Variants in CLDN10 observed in about 807,000 individuals in gnomAD.
CLDN10 encodes claudin 10, also known as claudin-10.
In CLDN10, 15 loss-of-function variants were observed where a neutral mutation model predicts 22.9. That is an observed-to-expected ratio of 0.65 (90% CI 0.44 to 1.01). The LOEUF (loss-of-function observed/expected upper bound fraction) is 1.01, where lower values mean the gene tolerates loss of function less well. CLDN10 is among the 50% of genes least tolerant of loss of function. The probability of loss-of-function intolerance (pLI) is 0.00; values close to 1 mark genes in which losing one functional copy is unlikely to be tolerated. For missense variants in CLDN10, 247 were observed against 287.8 expected (o/e 0.86, Z 1.03); for synonymous variants, 114 against 111.4 (o/e 1.02, Z -0.15).
chr13:95,509,379 T>G (rs1265413510), intron 1 of CLDN10, among the ~76,000 whole-genome samples: 1 of 152,180 alleles, frequency 6.6e-6, no homozygotes. Flanking sequence ...GATGGACCTA[T>G]GCACTTTAAC....
At chr13:95,555,331 C>G (rs1001306341) in intron 1 of CLDN10, among the ~76,000 whole-genome samples, 1 of 152,158 alleles carries the variant, frequency 6.6e-6, no homozygotes, top group Non-Finnish European at 1.5e-5. Flanking sequence ...TACAGGTGTG[C>G]GCCACCGCGC....
chr13:95,449,901 G>A (rs1016034658), intron 1 of CLDN10, among the ~76,000 whole-genome samples: 3 of 152,016 alleles, frequency 2.0e-5, no homozygotes, highest in African/African-American at 2.4e-5. Context: ...CCGCCACCAC[G>A]CCCGGCTGAT....
At chr13:95,504,939 C>T (rs534081424) in intron 1 of CLDN10, among the ~76,000 whole-genome samples, 51 of 152,258 alleles carry the variant, frequency 3.3e-4, no homozygotes, top group African/African-American at 9.9e-4. Flanking sequence ...TAGAAGGAGA[C>T]GTCAGATTAA....
intron 1 of CLDN10, among the ~76,000 whole-genome samples, chr13:95,468,178 G>T (rs1419009294): frequency 6.6e-6 from 1 of 152,102 alleles, no homozygotes; most frequent in Non-Finnish European, 1.5e-5. Flanking sequence ...TAAGTTTGTA[G>T]TTAGTAGTTA....
intron 1 of CLDN10, among the ~76,000 whole-genome samples, chr13:95,541,569 A>G (rs1166732296): frequency 6.6e-6 from 1 of 152,042 alleles, no homozygotes; most frequent in African/African-American, 2.4e-5. Context: ...AGGAGGAGAC[A>G]ATATTCTCCC....
intron 3 of CLDN10, among the ~76,000 whole-genome samples, chr13:95,571,091 A>G (rs1423320839): frequency 6.6e-6 from 1 of 151,926 alleles, no homozygotes; most frequent in African/African-American, 2.4e-5. Context: ...TGAGCTAAAT[A>G]AAATCCTTGA....
chr13:95,494,996 T>A (rs2042912776), intron 1 of CLDN10, among the ~76,000 whole-genome samples: 1 of 151,630 alleles, frequency 6.6e-6, no homozygotes, highest in Non-Finnish European at 1.5e-5. Context: ...GTGCAATTAA[T>A]CCTCCCTTTC....
intron 1 of CLDN10, among the ~76,000 whole-genome samples, chr13:95,489,529 T>C (rs1199302249): frequency 6.6e-6 from 1 of 152,210 alleles, no homozygotes; most frequent in African/African-American, 2.4e-5. Flanking sequence ...TATCTTCTTT[T>C]GAGAGCTGTC....
intron 1 of CLDN10, among the ~76,000 whole-genome samples, chr13:95,436,182 A>G (rs1275719671): frequency 6.6e-6 from 1 of 151,910 alleles, no homozygotes; most frequent in African/African-American, 2.4e-5. Context: ...ACACTTTCTT[A>G]TTTTTTATTT....
In CLDN10 at chr13:95,534,830, A is replaced by G. The variant is rs141316518; in HGVS notation, c.215-25302A>G. On this transcript the variant is annotated intron_variant, in intron 1 of 4. Transcript: ENST00000376873. ...CCTGGCATTCAATAAACGGTAGCCA[A>G]TCATGGTTATAATATAACAACAACA... Among the ~76,000 whole-genome samples, 55 of 152,278 alleles carry G rather than the reference A, an allele frequency of 3.6e-4. No homozygotes were observed. The East Asian group carries it at 9.3e-3, about 26-fold the overall frequency.
intron 3 of CLDN10, among the ~76,000 whole-genome samples, chr13:95,569,894 A>G (rs2043833365): frequency 1.3e-5 from 2 of 151,972 alleles, no homozygotes; most frequent in Non-Finnish European, 2.9e-5. Context: ...TCAGTCTCCC[A>G]AGTAGCTGGG....
chr13:95,456,326 T>C (rs1338775872), intron 1 of CLDN10, among the ~76,000 whole-genome samples: 1 of 152,208 alleles, frequency 6.6e-6, no homozygotes, highest in Non-Finnish European at 1.5e-5. Context: ...TGTCTGTTCC[T>C]TGTCTCCACA....
intron 1 of CLDN10, among the ~76,000 whole-genome samples, chr13:95,558,886 C>T (rs2043670811): frequency 6.6e-6 from 1 of 152,070 alleles, no homozygotes; most frequent in Admixed American, 6.5e-5. Context: ...GATTATGCCA[C>T]TTCCCTCCAG....
chr13:95,488,950 C>CTTTTTTT (rs58919737), intron 1 of CLDN10, among the ~76,000 whole-genome samples: 2 of 110,744 alleles, frequency 1.8e-5, no homozygotes, highest in Non-Finnish European at 1.7e-5. Context: ...ACTTTTTGTT[C>CTTTTTTT]TTTTTTTTTT....
chr13:95,444,542 A>T (rs1274119716), intron 1 of CLDN10, among the ~76,000 whole-genome samples: 1 of 152,150 alleles, frequency 6.6e-6, no homozygotes, highest in Admixed American at 6.5e-5. Flanking sequence ...CAGAATGCTA[A>T]ATGTTATTGG....
intron 1 of CLDN10, among the ~76,000 whole-genome samples, chr13:95,530,197 A>G (rs924177773): frequency 3.0e-4 from 45 of 152,290 alleles, no homozygotes; most frequent in African/African-American, 1.0e-3. Context: ...AGCTTCAAAA[A>G]GTTTCCACAG....
intron 1 of CLDN10, among the ~76,000 whole-genome samples, chr13:95,451,168 G>T (rs886326708): frequency 2.6e-5 from 4 of 152,174 alleles, no homozygotes; most frequent in African/African-American, 9.7e-5. Flanking sequence ...CTCAGAAATG[G>T]CCAATCCCCG....
chr13:95,455,100 C>T (rs2042469624), intron 1 of CLDN10, among the ~76,000 whole-genome samples: 1 of 151,788 alleles, frequency 6.6e-6, no homozygotes, highest in African/African-American at 2.4e-5. Context: ...CTGCTTAAGC[C>T]CAGGGGTTAG....
chr13:95,480,780 T>A (rs567305712), intron 1 of CLDN10, among the ~76,000 whole-genome samples: 1 of 152,348 alleles, frequency 6.6e-6, no homozygotes, highest in East Asian at 1.9e-4. Context: ...AAATATTCAA[T>A]AGACACGCTA....
Sources: allele counts gnomAD v4.1 joint callset (sites outside exome capture counted in the v4.1 genomes callset), GRCh38; gene constraint gnomAD v4.1.1; transcripts MANE v1.5; gene names NCBI Gene and HGNC (gene_info 2026-07-23, HGNC 2026-07-21).